VPS13D: variants seen among roughly 807,000 people sequenced by gnomAD.
VPS13D encodes intermembrane lipid transfer protein VPS13D.
Under a neutral mutation model 461.9 loss-of-function variants are expected in VPS13D, and 187 were observed. The ratio of observed to expected loss-of-function variants is 0.40; its 90% CI spans 0.36 to 0.46. The LOEUF (loss-of-function observed/expected upper bound fraction) is 0.46, where lower values mean the gene tolerates loss of function less well. Ranked by LOEUF, VPS13D falls within the 20% of genes least tolerant of loss-of-function variation. The pLI is 0.60. For synonymous variants in VPS13D, 1,951 were observed against 1,986.3 expected (o/e 0.98, Z 0.47); for missense variants, 4,711 against 5,364.9 (o/e 0.88, Z 3.81).
chr1:12,310,898 TC>T lies in VPS13D; in HGVS notation c.6651-554del, dbSNP rs1377414280. Among the ~76,000 whole-genome samples the T allele has an allele frequency of 3.7e-3, 515 of 138,160 alleles. 5 individuals carry two copies. The highest frequency in any genetic ancestry group is 0.019 in the Admixed American group (255 of 13,330). The allele number at this position is 138,160 out of a possible 152,430, so 90.6% of individuals were successfully genotyped here. ...CTCCTTCCCTCCTTCCCTCCTTCCC[TC>T]CTTCCCTCCTTCCCTCCCTCTCTCC... On this transcript the variant is annotated intron_variant, in intron 27 of 69. Coordinates refer to ENST00000620676, the MANE Select transcript of VPS13D (RefSeq NM_015378.4).
chr1:12,271,194 A>G, intron 17 of VPS13D, 70 bp downstream of exon 17: 1 of 1,594,428 alleles, frequency 6.3e-7, no homozygotes, highest in Non-Finnish European at 8.6e-7. Context: ...TCAAGTCACT[A>G]CTTACTGTAG....
intron 57 of VPS13D, among the ~76,000 whole-genome samples, chr1:12,382,132 G>A (rs1027140949): frequency 1.4e-5 from 2 of 140,444 alleles, no homozygotes; most frequent in African/African-American, 2.7e-5. Context: ...ACAAAGTGTC[G>A]CTCTTGTTGC....
At position 12,268,875 on chromosome 1, in the gene VPS13D, A is replaced by G; in HGVS notation, c.1971A>G (p.Ser657=). ...DFFYKGKVHT[S]GFGYQSELEL... ...TCTACAAGGGAAAGGTTCATACCTC[A>G]GGTTAACTTTTTTGTTTGTTTGATC... Residue 657 remains serine, a splice_region_variant and synonymous_variant, in exon 16 of 70, where the codon TCA becomes TCG. Transcript: ENST00000620676. The G allele has an allele frequency of 6.3e-7, 1 of 1,599,830 alleles. No homozygotes were observed. The highest frequency in any genetic ancestry group is 8.5e-7 in the Non-Finnish European group (1 of 1,176,408).
intron 65 of VPS13D, among the ~76,000 whole-genome samples, chr1:12,452,824 G>C (rs1645279454): frequency 6.6e-6 from 1 of 152,192 alleles, no homozygotes; most frequent in South Asian, 2.1e-4. Flanking sequence ...AGTTTTCTGG[G>C]TTCTCAAAGC....
Position 12,298,723 on chromosome 1 carries a change from C to T in VPS13D, c.6034-479C>T, listed in dbSNP as rs116095698. Among the ~76,000 whole-genome samples, 255 of 150,422 alleles carry T rather than the reference C, an allele frequency of 1.7e-3. 7 individuals are homozygous for T. Among genetic ancestry groups the T allele is most frequent in the African/African-American group, 5.1e-3 (208 of 41,132 alleles). ...GTTTAATTGATTTTTCTCTGATTGT[C>T]GGTTTCCTATATCATTGACTTATGC... On this transcript the variant is annotated intron_variant, in intron 24 of 69. Coordinates refer to ENST00000620676, the MANE Select transcript of VPS13D (RefSeq NM_015378.4).
At chr1:12,439,010 CT>C (rs1645096451) in intron 65 of VPS13D, among the ~76,000 whole-genome samples, 1 of 152,174 alleles carries the variant, frequency 6.6e-6, no homozygotes, top group African/African-American at 2.4e-5. Flanking sequence ...CATCTTTGGC[CT>C]GGTTTTTATT....
At chr1:12,435,732 C>T (rs544846665) in intron 65 of VPS13D, among the ~76,000 whole-genome samples, 1 of 151,496 alleles carries the variant, frequency 6.6e-6, no homozygotes, top group African/African-American at 2.4e-5. Context: ...GCTTCATTCT[C>T]GAACCTCTCT....
At chr1:12,410,320 A>G (rs559111319) in intron 63 of VPS13D, among the ~76,000 whole-genome samples, 112 of 152,302 alleles carry the variant, frequency 7.4e-4, no homozygotes, top group Admixed American at 3.9e-4. Context: ...CTGCTAAAGG[A>G]CTACACCAGG....
Position 12,327,836 on chromosome 1 carries a change from G to A in VPS13D, c.8179G>A (p.Ala2727Thr), listed in dbSNP as rs1643230474. The A allele has an allele frequency of 1.9e-6, 3 of 1,613,868 alleles. No individual in the cohort carries two copies. Among genetic ancestry groups the A allele is most frequent in the Non-Finnish European group, 2.5e-6 (3 of 1,179,996 alleles). The change falls in exon 36 of 70, where the codon GCT becomes ACT. Residue 2727 changes from alanine to threonine, a missense_variant. Physicochemically the swap from Ala to Thr is moderately conservative, Grantham distance 58. Transcript: ENST00000620676. ...CTGCATGGATTGTGATGTTCCTCTC[G>A]CTGAACTCACCTTTTCCCGTGAGTG... is the stretch of plus-strand genomic sequence containing the variant. ...DDCMDCDVPL[A>T]ELTFSRLNFL...
intron 2 of VPS13D, among the ~76,000 whole-genome samples, chr1:12,242,141 G>A (rs2101201891): frequency 6.6e-6 from 1 of 152,280 alleles, no homozygotes. Flanking sequence ...GTCCTGTTAT[G>A]GAAAATGTAA....
chr1:12,342,684 C>CTT, intron 41 of VPS13D: 1 of 457,260 alleles, frequency 2.2e-6, no homozygotes, highest in South Asian at 4.7e-5. Flanking sequence ...AGAGTGACAG[C>CTT]TTTCAGCTGT....
chr1:12,276,623 A>G lies in VPS13D; in HGVS notation c.3035A>G (p.Tyr1012Cys). The G allele has an allele frequency of 1.2e-6, 2 of 1,614,184 alleles. No homozygotes were observed. Among genetic ancestry groups the G allele is most frequent in the African/African-American group, 1.3e-5 (1 of 75,046 alleles). ...CTCCTGGTGGATACCATGCAGACAT[A>G]TGGTGCTGATTTTGACCTTTTGATG... ...GLLLVDTMQT[Y>C]GADFDLLMAS... Residue 1012 changes from tyrosine to cysteine, a missense_variant, in exon 19 of 70, where the codon TAT becomes TGT. Around this residue, in one of 3 missense-constraint regions of VPS13D, gnomAD observed 4,411 missense variants for 4,937.8 expected, o/e 0.89. Transcript: ENST00000620676. The surrounding 1 kb of genome is among the most constrained non-coding windows in gnomAD (Gnocchi z 4.5).
intron 65 of VPS13D, among the ~76,000 whole-genome samples, chr1:12,433,631 C>T (rs1394359196): frequency 2.0e-5 from 3 of 152,210 alleles, no homozygotes; most frequent in Non-Finnish European, 4.4e-5. Flanking sequence ...AAACAGTCGG[C>T]AGCTCCTGCG....
rs547211275 is a variant in VPS13D at position 12,459,077 on chromosome 1, C to G, written c.12467-1124C>G. 2.0e-5 allele frequency among the ~76,000 whole-genome samples: 3 copies of G among 152,300 alleles called. No homozygotes were observed. The South Asian group carries it at 6.2e-4, about 32-fold the overall frequency. The stretch of plus-strand genomic sequence containing the variant: ...AGCATCCAGTGGGGTTGGCCAGTCA[C>G]CCCCATAGTGTTCTTTGAAAATTGC... On this transcript the variant is annotated intron_variant, in intron 66 of 69. Coordinates refer to ENST00000620676, the MANE Select transcript of VPS13D (RefSeq NM_015378.4).
chr1:12,304,561 C>T lies in VPS13D; in HGVS notation c.6272C>T (p.Thr2091Met), dbSNP rs777900758. The change falls in exon 26 of 70, where the codon ACG becomes ATG. Residue 2091 changes from threonine to methionine, a missense_variant. Thr to Met is a moderately conservative substitution (Grantham distance 81). Coordinates refer to ENST00000620676, the MANE Select transcript of VPS13D (RefSeq NM_015378.4). The stretch of plus-strand genomic sequence containing the variant: ...ATTCCCAAACACAGTCTGAGGAAAA[C>T]GACAAGCACGGAGGAGCCCAGGGGA... ...TGIPKHSLRK[T>M]TSTEEPRGTH... 1.3e-5 allele frequency: 21 copies of T among 1,613,944 alleles called. No individual in the cohort carries two copies. The highest frequency in any genetic ancestry group is 3.3e-5 in the Admixed American group (2 of 59,988).
intron 22 of VPS13D, among the ~76,000 whole-genome samples, chr1:12,289,450 C>T (rs991093749): frequency 6.6e-6 from 1 of 151,868 alleles, no homozygotes; most frequent in Non-Finnish European, 1.5e-5. Flanking sequence ...GATTACAAAG[C>T]TCATGTTGAT....
At chr1:12,417,943 G>T (rs925036941) in intron 65 of VPS13D, among the ~76,000 whole-genome samples, 3 of 152,008 alleles carry the variant, frequency 2.0e-5, no homozygotes, top group Non-Finnish European at 4.4e-5. Flanking sequence ...GTCTTGGTCT[G>T]TCGCCCAGAC....
At chr1:12,489,704 T>C (rs994281646) in intron 67 of VPS13D, among the ~76,000 whole-genome samples, 2 of 152,232 alleles carry the variant, frequency 1.3e-5, no homozygotes, top group Non-Finnish European at 2.9e-5. Context: ...CATGGCACTC[T>C]AAATAATACA....
chr1:12,252,481 T>TC (rs952899007), intron 6 of VPS13D, among the ~76,000 whole-genome samples: 19 of 151,950 alleles, frequency 1.3e-4, no homozygotes, highest in Non-Finnish European at 2.4e-4. Flanking sequence ...CGGAAAATAC[T>TC]CCCCCACTGG....
Sources: gnomAD v4.1 joint callset for allele counts (sites outside exome capture counted in the v4.1 genomes callset) on GRCh38, gnomAD v4.1.1 for gene constraint, gnomAD v4.1.1 regional missense constraint, Gnocchi (gnomAD v3.1) non-coding constraint, MANE v1.5 for transcripts, NCBI Gene and HGNC (gene_info 2026-07-23, HGNC 2026-07-21) for gene names.